Variants in CELSR2 observed in about 807,000 individuals in gnomAD.
CELSR2 encodes cadherin EGF LAG seven-pass G-type receptor 2.
In CELSR2, 81 loss-of-function variants were observed where a neutral mutation model predicts 251.6. That is an observed-to-expected ratio of 0.32 (90% CI 0.27 to 0.39). The LOEUF (loss-of-function observed/expected upper bound fraction) is 0.39. CELSR2 is among the 10% of genes least tolerant of loss of function. The probability of loss-of-function intolerance (pLI) is 1.00; values close to 1 mark genes in which losing one functional copy is unlikely to be tolerated. For synonymous variants in CELSR2, 1,721 were observed against 1,670.5 expected (o/e 1.03, Z -0.74); for missense variants, 3,365 against 3,947.7 (o/e 0.85, Z 3.96).
rs373429216 is a variant in CELSR2 at position 109,269,113 on chromosome 1, C to T, written c.6635C>T (p.Thr2212Met). 5.3e-5 allele frequency: 84 copies of T among 1,599,064 alleles called. No homozygotes were observed. The highest frequency in any genetic ancestry group is 4.8e-5 in the Non-Finnish European group (56 of 1,172,056). The part of the protein sequence containing the change: ...VILPESVFRE[T>M]PPVVRPAGPG... ...GTGTGACAGTGTCCCCTCCCAGAGA[C>T]GCCCCCCGTGGTCAGGCCCGCAGGC... Residue 2212 changes from threonine (T) to methionine (M), a missense_variant, in exon 20 of 34, where the codon ACG becomes ATG. By Grantham distance (81) the Thr-to-Met change is moderately conservative. This residue lies in a region of CELSR2 where 2,093 missense variants were observed against 2,382.8 expected (regional missense o/e 0.88). Transcript: ENST00000271332. This position sits in a 1 kb window ranked among gnomAD's most constrained non-coding sequence, Gnocchi z 6.4.
Position 109,271,414 on chromosome 1 carries a change from C to G in CELSR2, c.7705C>G (p.Leu2569Val), listed in dbSNP as rs1367247614. The G allele has an allele frequency of 6.2e-7, 1 of 1,613,870 alleles. No individual in the cohort carries two copies. Among genetic ancestry groups the G allele is most frequent in the Non-Finnish European group, 8.5e-7 (1 of 1,180,040 alleles). The change falls in exon 27 of 34, where the codon CTC becomes GTC. Residue 2569 changes from leucine (L) to valine (V), a missense_variant. By Grantham distance (32) the Leu-to-Val change is conservative. This residue lies in a region of CELSR2 where 2,093 missense variants were observed against 2,382.8 expected (regional missense o/e 0.88). Transcript: ENST00000271332. ...GGGCCTGCAGCCCTCCTTCGCCGTC[C>G]TCCTGCTGCTGAGCGCCACGTGGCT... ...VSGLQPSFAV[L>V]LLLSATWLLA...
At position 109,249,787 on chromosome 1, in the gene CELSR2, C is replaced by G. The variant is rs1655620820; in HGVS notation, c.-293C>G. On this transcript the variant is annotated 5_prime_UTR_variant, in exon 1 of 34. Transcript: ENST00000271332. ...GGCAAGGCCAGGGGCGCCGCGGGGC[C>G]CCCGGGCGCAGGTGGTGAGTGCCCG... Among the ~76,000 whole-genome samples the G allele has an allele frequency of 6.7e-6, 1 of 149,658 alleles. No individual in the cohort carries two copies. Among genetic ancestry groups the G allele is most frequent in the Admixed American group, 6.6e-5 (1 of 15,086 alleles).
intron 27 of CELSR2, 24 bp downstream of exon 27, chr1:109,271,536 A>C: frequency 6.2e-7 from 1 of 1,614,162 alleles, no homozygotes; most frequent in South Asian, 1.1e-5. Flanking sequence ...CCTGTGGAGA[A>C]GGGAGGCACC....
chr1:109,273,022 C>G lies in CELSR2; in HGVS notation c.8333C>G (p.Pro2778Arg). 6.2e-7 allele frequency: 1 copy of G among 1,610,254 alleles called. No homozygotes were observed. Among genetic ancestry groups the G allele is most frequent in the Non-Finnish European group, 8.5e-7 (1 of 1,177,818 alleles). The change falls in exon 31 of 34, where the codon CCC becomes CGC. Residue 2778 changes from proline (P) to arginine (R), a missense_variant. Pro to Arg is a moderately radical substitution (Grantham distance 103, BLOSUM62 -2). This residue lies in a region of CELSR2 where 2,093 missense variants were observed against 2,382.8 expected (regional missense o/e 0.88). Coordinates refer to ENST00000271332, the MANE Select transcript of CELSR2 (RefSeq NM_001408.3). ...GAERLPLHST[P>R]KDGGPGPGKA... ...GAGAGACTGCCCCTGCACAGTACTC[C>G]CAAGGGTGGGCCAGCACTGGGGCTG...
Position 109,251,870 on chromosome 1 carries a change from C to T in CELSR2, c.1791C>T (p.Ser597=), listed in dbSNP as rs368052590. 5.0e-6 allele frequency: 8 copies of T among 1,614,070 alleles called. No homozygotes were observed. Among genetic ancestry groups the T allele is most frequent in the Non-Finnish European group, 6.8e-6 (8 of 1,180,014 alleles). ...CACTCACTGCCTCGGCCAGTGTCAG[C>T]GTGACTGTCCTGGATGTCAACGACA... The part of the protein sequence containing the change: ...TPALTASASV[S]VTVLDVNDNN... The change falls in exon 1 of 34, where the codon AGC becomes AGT. Residue 597 remains serine, a synonymous_variant. Coordinates refer to ENST00000271332, the MANE Select transcript of CELSR2 (RefSeq NM_001408.3). The surrounding 1 kb of genome is among the most constrained non-coding windows in gnomAD (Gnocchi z 4.9).
intron 1 of CELSR2, among the ~76,000 whole-genome samples, chr1:109,254,730 C>G (rs1375346383): frequency 1.3e-5 from 2 of 152,174 alleles, no homozygotes; most frequent in African/African-American, 4.8e-5. Context: ...ACTCAGGGTC[C>G]TTGCTGGACA....
rs1553180380 is a variant in CELSR2 at position 109,261,667 on chromosome 1, A to AGGCCCCAAGTCTTCCAGCCCCTGACCC, written c.4297+40_4297+66dup. ...CCCCCCATCCTTGCCCATCTTCCAAAGGCCCCAAGTCTTCCAGCCCCTGAC... is the reference window on the plus strand; with the variant it reads ...CCCCCCATCCTTGCCCATCTTCCAAAGGCCCCAAGTCTTCCAGCCCCTGACCCGGCCCCAAGTCTTCCAGCCCCTGAC... On this transcript the variant is annotated intron_variant, in intron 4 of 33. Coordinates refer to ENST00000271332, the MANE Select transcript of CELSR2 (RefSeq NM_001408.3). This position sits in a 1 kb window ranked among gnomAD's most constrained non-coding sequence, Gnocchi z 4.8. 1.3e-5 allele frequency: 21 copies of AGGCCCCAAGTCTTCCAGCCCCTGACCC among 1,588,278 alleles called. 1 individual carries two copies. The highest frequency in any genetic ancestry group is 1.8e-5 in the Non-Finnish European group (21 of 1,156,792).
Position 109,265,026 on chromosome 1 carries a change from A to C in CELSR2, c.5606+17A>C, listed in dbSNP as rs1477886328. The C allele has an allele frequency of 6.2e-7, 1 of 1,613,958 alleles. No individual in the cohort carries two copies. The highest frequency in any genetic ancestry group is 8.5e-7 in the Non-Finnish European group (1 of 1,179,844). ...TGAGACCAGGTAAGCAGACCAGGGC[A>C]TGTGGCAGCAGGTCCCAGTGGCTGC... On this transcript the variant is annotated intron_variant, in intron 12 of 33. Transcript: ENST00000271332.
intron 2 of CELSR2, among the ~76,000 whole-genome samples, 156 bp from the exon 3 acceptor site, chr1:109,260,886 A>G (rs76084429): frequency 3.9e-5 from 6 of 152,236 alleles, no homozygotes; most frequent in Non-Finnish European, 8.8e-5. Context: ...GTCTCAGAGA[A>G]GATGGCACAC....
intron 11 of CELSR2, 76 bp downstream of exon 11, chr1:109,264,704 G>A: frequency 6.3e-7 from 1 of 1,579,348 alleles, no homozygotes; most frequent in Non-Finnish European, 8.7e-7. Flanking sequence ...GTGTGACCTG[G>A]GGCATGGGGC....
chr1:109,252,036 C>G lies in CELSR2; in HGVS notation c.1957C>G (p.Arg653Gly), dbSNP rs1315895140. Residue 653 changes from arginine to glycine, a missense_variant, in exon 1 of 34, where the codon CGA (arginine) becomes GGA (glycine). This residue lies in a region of CELSR2 where 60 missense variants were observed against 104.8 expected (regional missense o/e 0.57). Transcript: ENST00000271332. The surrounding 1 kb of genome is among the most constrained non-coding windows in gnomAD (Gnocchi z 4.8). The stretch of plus-strand genomic sequence containing the variant: ...CTACCAGATCACCAGTGGCAATACT[C>G]GAAACCGCTTCTCCATCACCAGCCA... ...ITYQITSGNT[R>G]NRFSITSQSG... is the part of the protein sequence containing the mutation. The G allele has an allele frequency of 3.7e-6, 6 of 1,614,088 alleles. No homozygotes were observed. The South Asian group carries it at 4.4e-5, about 12-fold the overall frequency.
chr1:109,273,126 C>A, intron 31 of CELSR2, 40 bp from the exon 32 acceptor site: 4 of 1,602,210 alleles, frequency 2.5e-6, no homozygotes, highest in South Asian at 2.2e-5. Flanking sequence ...TCCTGGCTAT[C>A]TGCCCTCTGT....
At position 109,261,859 on chromosome 1, in the gene CELSR2, GC is replaced by G; in HGVS notation, c.4351del (p.Gln1451SerfsTer7). 1 of 1,592,592 alleles carries G rather than the reference GC, an allele frequency of 6.3e-7. No homozygotes were observed. The highest frequency in any genetic ancestry group is 1.7e-5 in the Admixed American group (1 of 57,816). On this transcript the variant is annotated frameshift_variant, in exon 5 of 34. Coordinates refer to ENST00000271332, the MANE Select transcript of CELSR2 (RefSeq NM_001408.3). LOFTEE classifies it high-confidence loss of function. This position sits in a 1 kb window ranked among gnomAD's most constrained non-coding sequence, Gnocchi z 4.8. ...TTCGTGCCCGGAGGAGTCAGTGATG[GC>G]CAGTGGCATACGGTGCAGCTGAAAT... is the stretch of plus-strand genomic sequence containing the variant. ...SPFVPGGVSD[G>X]QWHTVQLKYY...
chr1:109,267,153 C>T (rs1274150682), intron 15 of CELSR2, among the ~76,000 whole-genome samples: 1 of 151,938 alleles, frequency 6.6e-6, no homozygotes, highest in African/African-American at 2.4e-5. Flanking sequence ...AGTTACGCCA[C>T]CACAAAGGCA....
At chr1:109,258,394 A>G in intron 1 of CELSR2, 38 bp from the exon 2 acceptor site, 2 of 1,468,104 alleles carry the variant, frequency 1.4e-6, no homozygotes, top group Non-Finnish European at 1.8e-6. Context: ...GCTGAATTGC[A>G]GCCCCAGGCT....
Position 109,273,303 on chromosome 1 carries a change from C to T in CELSR2, c.8476C>T (p.Pro2826Ser). 6.3e-7 allele frequency: 1 copy of T among 1,599,462 alleles called. No homozygotes were observed. Among genetic ancestry groups the T allele is most frequent in the Non-Finnish European group, 8.5e-7 (1 of 1,172,644 alleles). Residue 2826 changes from proline (P) to serine (S), a missense_variant, in exon 32 of 34, where the codon CCC becomes TCC. Pro to Ser is a moderately conservative substitution (Grantham distance 74). This residue lies in a region of CELSR2 where 2,093 missense variants were observed against 2,382.8 expected (regional missense o/e 0.88). Coordinates refer to ENST00000271332, the MANE Select transcript of CELSR2 (RefSeq NM_001408.3). ...DALSREGSLG[P>S]LPGSSAQPHK... ...CCTGTCTCGAGAGGGGTCCCTAGGCCCCCTTCCAGGCTCTTCTGCCCAGCC... is the reference window on the plus strand; with the variant it reads ...CCTGTCTCGAGAGGGGTCCCTAGGCTCCCTTCCAGGCTCTTCTGCCCAGCC...
In CELSR2 at chr1:109,274,340, G is replaced by A; in HGVS notation, c.*291G>A. On this transcript the variant is annotated 3_prime_UTR_variant, in exon 34 of 34. Coordinates refer to ENST00000271332, the MANE Select transcript of CELSR2 (RefSeq NM_001408.3). ...AGAGGAAAAAAAGAATTTAAAAAAG[G>A]ATCTCCACTCTTCATGACTTCAGGG... 3.4e-6 allele frequency: 2 copies of A among 590,250 alleles called. No individual in the cohort carries two copies. Among genetic ancestry groups the A allele is most frequent in the South Asian group, 2.7e-5 (1 of 36,376 alleles). The allele number at this position is 590,250 out of a possible 1,614,324, so 36.6% of individuals were successfully genotyped here. A position where few individuals can be genotyped will look rare whatever the true frequency, so the allele number is the denominator to read the frequency against.
chr1:109,273,238 A>T lies in CELSR2; in HGVS notation c.8411A>T (p.Asn2804Ile). The T allele has an allele frequency of 1.2e-6, 2 of 1,613,156 alleles. No individual in the cohort carries two copies. The highest frequency in any genetic ancestry group is 1.7e-6 in the Non-Finnish European group (2 of 1,179,616). The part of the protein sequence containing the change: ...FGTTAKESSG[N>I]GAPEERLREN... Reference sequence around the variant, plus strand: ...ACCACAGCAAAAGAGAGTAGTGGCAACGGGGCCCCTGAGGAGCGGCTGCGG... The same window carrying T: ...ACCACAGCAAAAGAGAGTAGTGGCATCGGGGCCCCTGAGGAGCGGCTGCGG... Residue 2804 changes from asparagine to isoleucine, a missense_variant, in exon 32 of 34, where the codon AAC (asparagine) becomes ATC (isoleucine). Around this residue, in one of 5 missense-constraint regions of CELSR2, gnomAD observed 2,093 missense variants for 2,382.8 expected, o/e 0.88. Coordinates refer to ENST00000271332, the MANE Select transcript of CELSR2 (RefSeq NM_001408.3).
intron 29 of CELSR2, 22 bp downstream of exon 29, chr1:109,272,427 G>A: frequency 6.3e-7 from 1 of 1,596,966 alleles, no homozygotes; most frequent in Non-Finnish European, 8.6e-7. Flanking sequence ...AGATGGGAGG[G>A]TGGAGGAGGG....
Sources: allele counts gnomAD v4.1 joint callset (sites outside exome capture counted in the v4.1 genomes callset), GRCh38; gene constraint gnomAD v4.1.1; regional missense constraint gnomAD v4.1.1; non-coding constraint Gnocchi (gnomAD v3.1); transcripts MANE v1.5; gene names NCBI Gene and HGNC (gene_info 2026-07-23, HGNC 2026-07-21).